The following KCTD8 variants were observed in gnomAD, a reference collection of about 807,000 sequenced individuals.
The protein encoded by KCTD8 is potassium channel tetramerization domain containing 8.
KCTD8 carries 27 observed loss-of-function variants against 31.5 expected under a neutral mutation model. The observed-to-expected ratio is 0.86, with a 90% CI of 0.63 to 1.18. The LOEUF is 1.18. Ranked by LOEUF, KCTD8 falls within the 50% of genes most tolerant of loss-of-function variation. The pLI is 0.00. For synonymous variants in KCTD8, 290 were observed against 280.0 expected, an observed-to-expected ratio of 1.04 and a Z score of -0.36; for missense variants, 658 against 647.7, an observed-to-expected ratio of 1.02 and a Z score of -0.17.
chr4:44,184,439 A>G (rs1713521766), intron 1 of KCTD8, among the ~76,000 whole-genome samples: 1 of 152,198 alleles, frequency 6.6e-6, no homozygotes, highest in Non-Finnish European at 1.5e-5. Context: ...ACAAAAGAAA[A>G]GAAAAGAAAA....
chr4:44,181,355 C>T (rs972786329), intron 1 of KCTD8, among the ~76,000 whole-genome samples: 52 of 152,190 alleles, frequency 3.4e-4, no homozygotes, highest in Non-Finnish European at 3.5e-4. Context: ...GCCTGGTTCT[C>T]CTGCCTCAGC....
intron 1 of KCTD8, among the ~76,000 whole-genome samples, chr4:44,202,290 G>A (rs1714173984): frequency 6.6e-6 from 1 of 151,984 alleles, no homozygotes; most frequent in East Asian, 1.9e-4. Context: ...CCATTTCTGG[G>A]GATAATAAAT....
At chr4:44,360,351 A>C (rs1196191106) in intron 1 of KCTD8, among the ~76,000 whole-genome samples, 1 of 152,054 alleles carries the variant, frequency 6.6e-6, no homozygotes, top group African/African-American at 2.4e-5. Flanking sequence ...CACTTAGTAC[A>C]TATGATTTGC....
At chr4:44,295,919 G>A (rs1717417327) in intron 1 of KCTD8, among the ~76,000 whole-genome samples, 1 of 152,060 alleles carries the variant, frequency 6.6e-6, no homozygotes, top group Admixed American at 6.6e-5. Context: ...TTGTAAAATA[G>A]TTAACCTGGT....
chr4:44,305,447 C>G (rs1034003716), intron 1 of KCTD8, among the ~76,000 whole-genome samples: 3 of 151,436 alleles, frequency 2.0e-5, no homozygotes, highest in African/African-American at 4.8e-5. Flanking sequence ...ATATTTATAT[C>G]AAATTTTAAA....
At chr4:44,321,969 T>C (rs903656521) in intron 1 of KCTD8, among the ~76,000 whole-genome samples, 1 of 152,060 alleles carries the variant, frequency 6.6e-6, no homozygotes, top group African/African-American at 2.4e-5. Flanking sequence ...TCATTGTGCA[T>C]ATATACAACA....
chr4:44,248,172 A>T (rs1715724353), intron 1 of KCTD8, among the ~76,000 whole-genome samples: 2 of 151,886 alleles, frequency 1.3e-5, no homozygotes, highest in Non-Finnish European at 2.9e-5. Context: ...CACCTGAACG[A>T]GTGTAAGCTT....
intron 1 of KCTD8, among the ~76,000 whole-genome samples, chr4:44,315,517 C>T (rs980096352): frequency 6.6e-6 from 1 of 152,074 alleles, no homozygotes; most frequent in South Asian, 2.1e-4. Context: ...TAACTTCCTT[C>T]CCATCTTCTG....
chr4:44,391,627 T>G (rs1720376951), intron 1 of KCTD8, among the ~76,000 whole-genome samples: 1 of 151,712 alleles, frequency 6.6e-6, no homozygotes, highest in Non-Finnish European at 1.5e-5. Context: ...ATAAAAACTA[T>G]GTGTTAATCA....
chr4:44,357,580 C>A lies in KCTD8; in HGVS notation c.961+89983G>T, dbSNP rs184960282. ...TCTCTGCCTAAAGCCAATTCTCTAACAAAAGGGAACATAGAATATTAAGCT... is the reference window on the plus strand; with the variant it reads ...TCTCTGCCTAAAGCCAATTCTCTAAAAAAAGGGAACATAGAATATTAAGCT... On this transcript the variant is annotated intron_variant, in intron 1 of 1. Transcript: ENST00000360029. Among the ~76,000 whole-genome samples, 24 of 152,144 alleles carry A rather than the reference C, an allele frequency of 1.6e-4. No individual in the cohort carries two copies. In the East Asian group the frequency reaches 4.6e-3, roughly 29 times the overall value.
chr4:44,264,947 C>T (rs1476421343), intron 1 of KCTD8, among the ~76,000 whole-genome samples: 1 of 152,318 alleles, frequency 6.6e-6, no homozygotes, highest in East Asian at 1.9e-4. Context: ...TCTGTAGGCT[C>T]CACCTCTGGG....
chr4:44,229,779 G>A (rs1297310029), intron 1 of KCTD8, among the ~76,000 whole-genome samples: 4 of 151,798 alleles, frequency 2.6e-5, no homozygotes, highest in African/African-American at 9.7e-5. Context: ...ATTTGATGGT[G>A]GATCTACTAA....
chr4:44,355,825 T>C (rs192343807), intron 1 of KCTD8, among the ~76,000 whole-genome samples: 9 of 152,282 alleles, frequency 5.9e-5, no homozygotes, highest in African/African-American at 2.2e-4. Flanking sequence ...ATTAAGAATG[T>C]GGATTATTTG....
intron 1 of KCTD8, among the ~76,000 whole-genome samples, chr4:44,224,928 AAGG>A (rs1321854561): frequency 6.6e-6 from 1 of 152,150 alleles, no homozygotes; most frequent in African/African-American, 2.4e-5. Flanking sequence ...CCCCTCAGCC[AAGG>A]AGGTCACACT....
chr4:44,296,180 T>C (rs1458553811), intron 1 of KCTD8, among the ~76,000 whole-genome samples: 2 of 152,180 alleles, frequency 1.3e-5, no homozygotes, highest in African/African-American at 4.8e-5. Context: ...ACATACAGCA[T>C]GAAATAATTT....
At chr4:44,277,390 C>T (rs1047541314) in intron 1 of KCTD8, among the ~76,000 whole-genome samples, 3 of 151,702 alleles carry the variant, frequency 2.0e-5, no homozygotes, top group Non-Finnish European at 4.4e-5. Context: ...CCATAAGATC[C>T]GCTTTCAGGA....
intron 1 of KCTD8, among the ~76,000 whole-genome samples, chr4:44,342,214 A>G (rs941313873): frequency 6.6e-6 from 1 of 152,058 alleles, no homozygotes; most frequent in African/African-American, 2.4e-5. Flanking sequence ...TACTAAAAAT[A>G]CAAAAAAATT....
chr4:44,250,596 C>T (rs947751451), intron 1 of KCTD8, among the ~76,000 whole-genome samples: 32 of 151,694 alleles, frequency 2.1e-4, no homozygotes, highest in Middle Eastern at 3.2e-3. Flanking sequence ...ATGTTGTTTA[C>T]GCATGAAACT....
At chr4:44,323,416 C>T (rs573703005) in intron 1 of KCTD8, among the ~76,000 whole-genome samples, 2 of 151,574 alleles carry the variant, frequency 1.3e-5, no homozygotes, top group Admixed American at 6.6e-5. Flanking sequence ...ATCCCTTGAA[C>T]GTAGGAGGCA....
Sources: gnomAD v4.1 joint callset for allele counts (sites outside exome capture counted in the v4.1 genomes callset) on GRCh38, gnomAD v4.1.1 for gene constraint, MANE v1.5 for transcripts, NCBI Gene and HGNC (gene_info 2026-07-23, HGNC 2026-07-21) for gene names.